Variants in RRM2 observed in about 807,000 individuals in gnomAD.
RRM2 encodes the protein ribonucleotide reductase regulatory subunit M2.
RRM2 carries 6 observed loss-of-function variants against 45.9 expected under a neutral mutation model. The observed-to-expected ratio is 0.13, with a 90% CI of 0.07 to 0.26. The LOEUF is 0.26. RRM2 is among the 10% of genes least tolerant of loss of function. RRM2 has a pLI of 1.00. For missense variants in RRM2, 343 were observed against 489.5 expected, an observed-to-expected ratio of 0.70 and a Z score of 2.82; for synonymous variants, 177 against 173.0, an observed-to-expected ratio of 1.02 and a Z score of -0.18.
At chr2:10,168,628 A>G (rs1010475576) in intron 3 of RRM2, among the ~76,000 whole-genome samples, 3 of 152,142 alleles carry the variant, frequency 2.0e-5, no homozygotes, top group Non-Finnish European at 4.4e-5. Flanking sequence ...CCACTCTCCT[A>G]TGCATCCCTA....
chr2:10,161,117 G>T (rs1387415923), intron 3 of RRM2, among the ~76,000 whole-genome samples: 18 of 152,174 alleles, frequency 1.2e-4, no homozygotes. Context: ...GCCCAGGCTG[G>T]AGTGTGCGTG....
chr2:10,163,009 G>A lies in RRM2; in HGVS notation n.482+20634G>A, dbSNP rs1008094128. On this transcript the variant is annotated intron_variant and non_coding_transcript_variant, in intron 3 of 3. Coordinates refer to the RRM2 transcript ENST00000381786. ...GGCTGCCAGTGGGCCACTCCTGCACGCAGGGCCCCGGGCCCTGAGCTCATC... is the reference window on the plus strand; with the variant it reads ...GGCTGCCAGTGGGCCACTCCTGCACACAGGGCCCCGGGCCCTGAGCTCATC... Among the ~76,000 whole-genome samples, 8 of 152,360 alleles carry A rather than the reference G, an allele frequency of 5.3e-5. 1 individual carries two copies. The highest frequency in any genetic ancestry group is 3.9e-4 in the Admixed American group (6 of 15,304).
chr2:10,140,115 C>T (rs1030366517), upstream of RRM2, among the ~76,000 whole-genome samples: 6 of 151,988 alleles, frequency 3.9e-5, no homozygotes, highest in African/African-American at 1.4e-4. Context: ...GGCGTGGTGG[C>T]GGGCACCTGT....
In RRM2 at chr2:10,205,856, T is replaced by C. The variant is rs1037343869; in HGVS notation, n.483-4455T>C. On this transcript the variant is annotated intron_variant and non_coding_transcript_variant, in intron 3 of 3. Transcript: ENST00000381786. The surrounding 1 kb of genome is among the most constrained non-coding windows in gnomAD (Gnocchi z 4.8). The stretch of plus-strand genomic sequence containing the variant: ...ACAGGCACCTGCCACCACCCCTGGA[T>C]AATTTTTGTATTTTTAGTGGAGACG... Among the ~76,000 whole-genome samples the C allele has an allele frequency of 1.3e-5, 2 of 151,988 alleles. No individual in the cohort carries two copies. The highest frequency in any genetic ancestry group is 4.8e-5 in the African/African-American group (2 of 41,408).
intron 3 of RRM2, chr2:10,198,792 G>A (rs938919356): frequency 6.6e-6 from 1 of 152,212 alleles, no homozygotes; most frequent in Non-Finnish European, 1.5e-5. Flanking sequence ...TTTAGGGAGG[G>A]AGAGCTTATC....
intron 3 of RRM2, chr2:10,199,117 G>A (rs1217649904): frequency 6.6e-6 from 1 of 152,156 alleles, no homozygotes; most frequent in Non-Finnish European, 1.5e-5. Flanking sequence ...GAGGGTTGTC[G>A]TTATGGGACA....
At chr2:10,179,309 G>A (rs908082569) in intron 3 of RRM2, among the ~76,000 whole-genome samples, 15 of 151,920 alleles carry the variant, frequency 9.9e-5, no homozygotes, top group African/African-American at 3.4e-4. Flanking sequence ...ATGCCACCAC[G>A]CCCGGCTAAT....
intron 3 of RRM2, among the ~76,000 whole-genome samples, chr2:10,178,839 T>A (rs1444158691): frequency 6.6e-6 from 1 of 152,096 alleles, no homozygotes; most frequent in African/African-American, 2.4e-5. Context: ...ATGAGTAGGA[T>A]TAATGCCCTT....
intron 3 of RRM2, among the ~76,000 whole-genome samples, chr2:10,188,498 G>T (rs1664217624): frequency 6.6e-6 from 1 of 152,048 alleles, no homozygotes; most frequent in South Asian, 2.1e-4. Flanking sequence ...ACTGGATTAG[G>T]GTCCCACCCT....
rs776760302 is a variant in RRM2, at chr2:10,123,835, A to T, written c.418A>T (p.Ile140Leu). Reference protein sequence around the residue: ...VLAFFAASDGIVNENLVERFS... With the variant: ...VLAFFAASDGLVNENLVERFS... The stretch of plus-strand genomic sequence containing the variant: ...GGCTTTCTTTGCAGCAAGCGATGGC[A>T]TAGTAAATGAAAACTTGGTGAGTTT... The change falls in exon 4 of 10, where the codon ATA (isoleucine) becomes TTA (leucine). Residue 140 changes from isoleucine (I) to leucine (L), a missense_variant. Transcript: ENST00000304567. 1.9e-6 allele frequency: 3 copies of T among 1,592,810 alleles called. No individual in the cohort carries two copies. The highest frequency in any genetic ancestry group is 2.6e-6 in the Non-Finnish European group (3 of 1,160,710).
intron 3 of RRM2, among the ~76,000 whole-genome samples, chr2:10,161,689 C>G (rs1663560492): frequency 6.6e-6 from 1 of 152,182 alleles, no homozygotes; most frequent in Admixed American, 6.5e-5. Flanking sequence ...TTCACACACA[C>G]ACACACACAT....
At chr2:10,196,603 G>A (rs1664420529) in intron 3 of RRM2, among the ~76,000 whole-genome samples, 1 of 152,218 alleles carries the variant, frequency 6.6e-6, no homozygotes, top group East Asian at 1.9e-4. Context: ...AAAACCCTCT[G>A]TGTGTGGATC....
At chr2:10,122,696 G>C (rs1269493425), upstream of RRM2, 21 of 1,550,908 alleles carry the variant, frequency 1.4e-5, no homozygotes, top group Non-Finnish European at 1.7e-5. Flanking sequence ...CCGGGAGCGC[G>C]CGGCGCGGGA....
intron 3 of RRM2, chr2:10,192,755 C>T (rs879796753): frequency 6.5e-6 from 1 of 153,186 alleles, no homozygotes; most frequent in Non-Finnish European, 1.5e-5. Flanking sequence ...ACTCCACCCC[C>T]CCCTGCTGCC....
At chr2:10,206,800 C>T (rs1390867544) in intron 3 of RRM2, among the ~76,000 whole-genome samples, 1 of 152,196 alleles carries the variant, frequency 6.6e-6, no homozygotes. Context: ...ACACCAACAA[C>T]AGATTGACAG....
At chr2:10,186,773 G>A (rs1180349341) in intron 3 of RRM2, among the ~76,000 whole-genome samples, 1 of 152,242 alleles carries the variant, frequency 6.6e-6, no homozygotes, top group Non-Finnish European at 1.5e-5. Context: ...TACCACCCCT[G>A]CCTGAAGCAG....
At chr2:10,209,285 T>C (rs918292581) in intron 3 of RRM2, among the ~76,000 whole-genome samples, 6 of 152,082 alleles carry the variant, frequency 3.9e-5, no homozygotes, top group Non-Finnish European at 7.4e-5. Flanking sequence ...CTTGAACTCC[T>C]GACCTCAAGT....
At chr2:10,160,131 G>T (rs957139317) in intron 3 of RRM2, among the ~76,000 whole-genome samples, 10 of 152,126 alleles carry the variant, frequency 6.6e-5, no homozygotes, top group African/African-American at 2.2e-4. Flanking sequence ...TGCTCATGCT[G>T]GGCTCAGCCT....
chr2:10,168,039 T>TTA (rs1663719064), intron 3 of RRM2, among the ~76,000 whole-genome samples: 1 of 150,184 alleles, frequency 6.7e-6, no homozygotes, highest in Admixed American at 6.6e-5. Flanking sequence ...CTTTTCTGTT[T>TTA]TTTTTTTTTT....
Sources: allele counts gnomAD v4.1 joint callset (sites outside exome capture counted in the v4.1 genomes callset), GRCh38; gene constraint gnomAD v4.1.1; non-coding constraint Gnocchi (gnomAD v3.1); transcripts MANE v1.5; gene names NCBI Gene and HGNC (gene_info 2026-07-23, HGNC 2026-07-21).